The following PPP1R13B variants were observed in gnomAD, a reference collection of about 807,000 sequenced individuals.
PPP1R13B encodes the protein apoptosis-stimulating of p53 protein 1.
Under a neutral mutation model 119.8 loss-of-function variants are expected in PPP1R13B, and 44 were observed. That is an observed-to-expected ratio of 0.37 (90% CI 0.29 to 0.47). The LOEUF (loss-of-function observed/expected upper bound fraction) is 0.47, where lower values mean the gene tolerates loss of function less well. Among genes scored for constraint, PPP1R13B ranks in the 20% least tolerant of loss-of-function variants. The pLI, the probability that PPP1R13B is intolerant of heterozygous loss-of-function variation, is 0.99. For synonymous variants in PPP1R13B, 542 were observed against 561.5 expected (o/e 0.97, Z 0.49); for missense variants, 1,227 against 1,413.5 (o/e 0.87, Z 2.12).
Position 103,784,841 on chromosome 14 carries a change from T to A in PPP1R13B, c.231A>T (p.Lys77Asn). The change falls in exon 3 of 17, where the codon AAA becomes AAT. Residue 77 changes from lysine to asparagine, a missense_variant. By Grantham distance (94) the Lys-to-Asn change is moderately conservative (BLOSUM62 0). Coordinates refer to ENST00000202556, the MANE Select transcript of PPP1R13B (RefSeq NM_015316.3). ...GGGAGTCCTCGTGTCGAAGGAAAAA[T>A]TTCACTTCTTCCCTCCGTGGACCCC... is the stretch of plus-strand genomic sequence containing the variant. ...QKWGPRREEV[K>N]FFLRHEDSPT... The A allele has an allele frequency of 6.2e-7, 1 of 1,608,474 alleles. No individual in the cohort carries two copies. Among genetic ancestry groups the A allele is most frequent in the Non-Finnish European group, 8.5e-7 (1 of 1,175,974 alleles).
chr14:103,841,239 G>A (rs1217172813), intron 1 of PPP1R13B, among the ~76,000 whole-genome samples: 1 of 151,566 alleles, frequency 6.6e-6, no homozygotes, highest in Non-Finnish European at 1.5e-5. Context: ...GGGCTGAGAG[G>A]GTGCCACTGC....
chr14:103,836,886 A>AC (rs1310340839), intron 1 of PPP1R13B, among the ~76,000 whole-genome samples: 1 of 152,154 alleles, frequency 6.6e-6, no homozygotes, highest in Non-Finnish European at 1.5e-5. Flanking sequence ...CTACACTTTC[A>AC]CATCTGTATT....
chr14:103,738,494 CAA>C lies in PPP1R13B; in HGVS notation c.2864+183_2864+184del, dbSNP rs2084168974. 1 of 902,392 alleles carries C rather than the reference CAA, an allele frequency of 1.1e-6. No individual in the cohort carries two copies. The highest frequency in any genetic ancestry group is 2.7e-5 in the East Asian group (1 of 37,198). The allele number at this position is 902,392 out of a possible 1,614,324, so 55.9% of individuals were successfully genotyped here. On this transcript the variant is annotated intron_variant, in intron 14 of 16. Transcript: ENST00000202556. This position sits in a 1 kb window ranked among gnomAD's most constrained non-coding sequence, Gnocchi z 5.6. ...ACAGCCACGTTTTTAACAAAATCAT[CAA>C]GAGAAAAGGCTGGAAAAAAAGGCAA...
intron 4 of PPP1R13B, among the ~76,000 whole-genome samples, chr14:103,773,542 C>T (rs2085117797): frequency 6.6e-6 from 1 of 152,078 alleles, no homozygotes; most frequent in Admixed American, 6.5e-5. Flanking sequence ...ACCACAAAAG[C>T]GGGACTAACA....
intron 9 of PPP1R13B, among the ~76,000 whole-genome samples, chr14:103,743,593 A>G (rs2084313073): frequency 6.6e-6 from 1 of 152,242 alleles, no homozygotes; most frequent in South Asian, 2.1e-4. Flanking sequence ...ACTGAACTAA[A>G]GTGTTCAACG....
At chr14:103,825,714 T>C (rs576693783) in intron 1 of PPP1R13B, among the ~76,000 whole-genome samples, 83 of 152,304 alleles carry the variant, frequency 5.4e-4, no homozygotes, top group African/African-American at 1.8e-3. Context: ...GTCATCTCTG[T>C]ATCATAAAAG....
intron 4 of PPP1R13B, among the ~76,000 whole-genome samples, chr14:103,759,577 AT>A (rs1412759713): frequency 6.6e-6 from 1 of 152,094 alleles, no homozygotes; most frequent in Non-Finnish European, 1.5e-5. Flanking sequence ...AAGCGCTGGG[AT>A]TACAGGTGTA....
intron 1 of PPP1R13B, among the ~76,000 whole-genome samples, chr14:103,833,844 G>GT (rs1190864758): frequency 2.0e-5 from 3 of 152,086 alleles, no homozygotes; most frequent in Admixed American, 1.3e-4. Flanking sequence ...GGAATGGCAT[G>GT]TTTTAGTTAC....
intron 12 of PPP1R13B, 77 bp downstream of exon 12, chr14:103,739,747 C>G (rs2084204003): frequency 6.8e-7 from 1 of 1,461,516 alleles, no homozygotes; most frequent in Admixed American, 2.5e-5. Flanking sequence ...CACAGCCTGA[C>G]CAAGGGAAGG....
chr14:103,746,269 G>T, intron 9 of PPP1R13B, 104 bp downstream of exon 9: 1 of 1,095,204 alleles, frequency 9.1e-7, no homozygotes, highest in Non-Finnish European at 1.3e-6. Flanking sequence ...CTGACGATGT[G>T]TGGGGCAGAG....
chr14:103,736,449 C>T, intron 15 of PPP1R13B: 1 of 577,312 alleles, frequency 1.7e-6, no homozygotes, highest in Admixed American at 3.0e-5. Context: ...GACAAACGAG[C>T]TCCTGAGCCC....
intron 1 of PPP1R13B, among the ~76,000 whole-genome samples, chr14:103,834,237 A>G (rs569821457): frequency 1.4e-4 from 21 of 152,240 alleles, no homozygotes; most frequent in African/African-American, 4.3e-4. Context: ...CTAGCTGGGC[A>G]TGGTGGCACA....
At chr14:103,829,792 T>G (rs939144969) in intron 1 of PPP1R13B, among the ~76,000 whole-genome samples, 4 of 152,170 alleles carry the variant, frequency 2.6e-5, no homozygotes, top group Admixed American at 6.5e-5. Context: ...TTTACTATTT[T>G]TTTTTTAAAC....
chr14:103,766,505 C>T (rs933494054), intron 4 of PPP1R13B, among the ~76,000 whole-genome samples: 7 of 152,192 alleles, frequency 4.6e-5, no homozygotes, highest in Non-Finnish European at 8.8e-5. Context: ...AGCTTGGTAT[C>T]CGTGGTTGCT....
chr14:103,826,602 A>G (rs1302721144), intron 1 of PPP1R13B, among the ~76,000 whole-genome samples: 1 of 152,138 alleles, frequency 6.6e-6, no homozygotes, highest in Non-Finnish European at 1.5e-5. Flanking sequence ...TTTCAAAACA[A>G]AAGTACAAAG....
chr14:103,809,910 T>G (rs530573752), intron 1 of PPP1R13B, among the ~76,000 whole-genome samples: 2 of 151,404 alleles, frequency 1.3e-5, no homozygotes, highest in South Asian at 4.2e-4. Context: ...CACTGCAACC[T>G]CTGCCTCCCG....
chr14:103,761,600 A>C (rs1215087409), intron 4 of PPP1R13B, among the ~76,000 whole-genome samples: 2 of 152,048 alleles, frequency 1.3e-5, no homozygotes, highest in African/African-American at 4.8e-5. Flanking sequence ...TGTCTCTACT[A>C]AAAATACAAA....
intron 9 of PPP1R13B, among the ~76,000 whole-genome samples, chr14:103,743,171 C>T (rs1378628486): frequency 6.6e-6 from 1 of 152,228 alleles, no homozygotes; most frequent in East Asian, 1.9e-4. Flanking sequence ...CACCACCAAA[C>T]AAAATAAGCA....
chr14:103,795,817 A>G (rs1567130363), intron 2 of PPP1R13B, among the ~76,000 whole-genome samples: 1 of 152,222 alleles, frequency 6.6e-6, no homozygotes, highest in Non-Finnish European at 1.5e-5. Context: ...TAATAGTCCA[A>G]TGTTTATCAA....
Sources: gnomAD v4.1 joint callset for allele counts (sites outside exome capture counted in the v4.1 genomes callset) on GRCh38, gnomAD v4.1.1 for gene constraint, Gnocchi (gnomAD v3.1) non-coding constraint, MANE v1.5 for transcripts, NCBI Gene and HGNC (gene_info 2026-07-23, HGNC 2026-07-21) for gene names.